Variants in FMNL1 observed in about 807,000 individuals in gnomAD.
FMNL1 encodes formin like 1, also known as formin-like protein 1.
A neutral mutation model predicts 121.3 loss-of-function variants in FMNL1; 43 were observed. The observed-to-expected ratio is 0.35, with a 90% CI of 0.28 to 0.46. The LOEUF (loss-of-function observed/expected upper bound fraction) is 0.46. FMNL1 is among the 20% of genes least tolerant of loss of function. FMNL1 has a pLI of 1.00. For synonymous variants in FMNL1, 613 were observed against 613.5 expected, an observed-to-expected ratio of 1.00 and a Z score of 0.01; for missense variants, 1,191 against 1,482.4, an observed-to-expected ratio of 0.80 and a Z score of 3.23.
intron 1 of FMNL1, among the ~76,000 whole-genome samples, chr17:45,226,287 C>T (rs927864553): frequency 1.3e-5 from 2 of 152,214 alleles, no homozygotes; most frequent in Non-Finnish European, 2.9e-5. Flanking sequence ...GAGGGGAGGC[C>T]TCCACTTCCC....
chr17:45,234,351 A>T, intron 6 of FMNL1, 151 bp downstream of exon 6: 1 of 1,346,548 alleles, frequency 7.4e-7, no homozygotes, highest in Non-Finnish European at 1.0e-6. Context: ...AGAGTTTGGG[A>T]CACCAGTATG....
At chr17:45,236,269 C>A in intron 7 of FMNL1, 25 bp downstream of exon 7, 1 of 1,595,892 alleles carries the variant, frequency 6.3e-7, no homozygotes, top group Non-Finnish European at 8.6e-7. Context: ...ATGGGACTGG[C>A]GACTAGGGAG....
rs1298839185 is a variant in FMNL1, at chr17:45,243,330, C to T, written c.2213+10C>T. The T allele has an allele frequency of 6.2e-6, 10 of 1,612,330 alleles. No homozygotes were observed. The highest frequency in any genetic ancestry group is 1.3e-5 in the African/African-American group (1 of 74,886). On this transcript the variant is annotated intron_variant, in intron 17 of 26. Coordinates refer to ENST00000331495, the MANE Select transcript of FMNL1 (RefSeq NM_005892.4). The stretch of plus-strand genomic sequence containing the variant: ...GCCAAGCCATTGAGGCGTGAGTGTC[C>T]CTGTCCTGGGTTTGTGGGCAGTCCG...
Position 45,241,084 on chromosome 17 carries a change from A to C in FMNL1, c.1231-45A>C, listed in dbSNP as rs1183283208. On this transcript the variant is annotated intron_variant, in intron 12 of 26. Transcript: ENST00000331495. This position sits in a 1 kb window ranked among gnomAD's most constrained non-coding sequence, Gnocchi z 7.0. ...ATGCCGCCCCCTCACCGGCGGTGCCAGTGCCGGGCTGCGGGTCGGGGCTCA... is the reference window on the plus strand; with the variant it reads ...ATGCCGCCCCCTCACCGGCGGTGCCCGTGCCGGGCTGCGGGTCGGGGCTCA... 5.0e-6 allele frequency: 8 copies of C among 1,606,034 alleles called. No homozygotes were observed. Among genetic ancestry groups the C allele is most frequent in the Non-Finnish European group, 6.8e-6 (8 of 1,174,554 alleles).
In FMNL1 at chr17:45,237,568, C is replaced by G; in HGVS notation, c.823C>G (p.Leu275Val). 1.2e-6 allele frequency: 2 copies of G among 1,614,186 alleles called. No individual in the cohort carries two copies. The highest frequency in any genetic ancestry group is 1.7e-6 in the Non-Finnish European group (2 of 1,180,014). ...CAGAACCAAGGCTCTGGTGCTGGAG[C>G]TGCTGGCGGCCGTGTGCTTGGTGCG... ...NPRTKALVLELLAAVCLVRGG... is the reference protein window; with the variant it reads ...NPRTKALVLEVLAAVCLVRGG... Residue 275 changes from leucine (L) to valine (V), a missense_variant, in exon 9 of 27, where the codon CTG becomes GTG. Transcript: ENST00000331495. The surrounding 1 kb of genome is among the most constrained non-coding windows in gnomAD (Gnocchi z 4.4).
chr17:45,243,471 G>A (rs948552973), intron 17 of FMNL1, 151 bp downstream of exon 17: 1 of 1,010,490 alleles, frequency 9.9e-7, no homozygotes, highest in Non-Finnish European at 1.4e-6. Context: ...CCATTTTAAG[G>A]TGGAGAAAAC....
At chr17:45,246,771 T>C in intron 26 of FMNL1, 96 bp from the exon 27 acceptor site, 1 of 732,014 alleles carries the variant, frequency 1.4e-6, no homozygotes, top group Non-Finnish European at 2.4e-6. Flanking sequence ...GTGCACACAA[T>C]CTGAGTCCTT....
intron 26 of FMNL1, 63 bp downstream of exon 26, chr17:45,246,667 C>T: frequency 2.7e-6 from 4 of 1,475,592 alleles, no homozygotes; most frequent in Non-Finnish European, 2.8e-6. Flanking sequence ...CTTGGGAGAA[C>T]TGAGGCATGC....
At chr17:45,230,466 C>A in intron 1 of FMNL1, 138 bp from the exon 2 acceptor site, 1 of 680,754 alleles carries the variant, frequency 1.5e-6, no homozygotes, top group South Asian at 1.7e-5. Flanking sequence ...GATAACACTA[C>A]GTATCTCCTA....
chr17:45,246,350 T>G lies in FMNL1; in HGVS notation c.3211+20T>G, dbSNP rs750428405. The G allele has an allele frequency of 4.3e-5, 69 of 1,613,976 alleles. No individual in the cohort carries two copies. The highest frequency in any genetic ancestry group is 5.8e-5 in the Non-Finnish European group (68 of 1,180,012). ...TCACAGGTAAGGGCTTGGCCAGGCC[T>G]TGGTCTTATCCTCAGTCTGTCCTTC... On this transcript the variant is annotated intron_variant, in intron 25 of 26. Coordinates refer to ENST00000331495, the MANE Select transcript of FMNL1 (RefSeq NM_005892.4).
chr17:45,244,041 GC>G lies in FMNL1; in HGVS notation c.2448+17del, dbSNP rs2043770709. 6.2e-7 allele frequency: 1 copy of G among 1,601,622 alleles called. No homozygotes were observed. Among genetic ancestry groups the G allele is most frequent in the East Asian group, 2.2e-5 (1 of 44,724 alleles). On this transcript the variant is annotated intron_variant, in intron 18 of 26. Coordinates refer to ENST00000331495, the MANE Select transcript of FMNL1 (RefSeq NM_005892.4). ...GCTCATGCCGGTGTGGGCGGAGCGGGCAGGGCGGTGTGACTTGGGAGGGGAT... is the reference window on the plus strand; with the variant it reads ...GCTCATGCCGGTGTGGGCGGAGCGGGAGGGCGGTGTGACTTGGGAGGGGAT...
rs778995612 is a variant in FMNL1 at position 45,245,713 on chromosome 17, C to T, written c.2974C>T (p.Arg992Cys). The T allele has an allele frequency of 1.2e-5, 20 of 1,613,948 alleles. No individual in the cohort carries two copies. Among genetic ancestry groups the T allele is most frequent in the Middle Eastern group, 1.6e-4 (1 of 6,082 alleles). Residue 992 changes from arginine to cysteine, a missense_variant, in exon 23 of 27, where the codon CGC (arginine) becomes TGC (cysteine). Coordinates refer to ENST00000331495, the MANE Select transcript of FMNL1 (RefSeq NM_005892.4). ...SPGLFFSLFS[R>C]FIKAYKKAEQ... ...AGGCCTGTTCTTCTCCCTCTTTAGC[C>T]GCTTCATTAAGGCCTACAAGGTATT... is the stretch of plus-strand genomic sequence containing the variant.
In FMNL1 at chr17:45,241,746, T is replaced by C; in HGVS notation, c.1586-101T>C. ...GGGAGGTTTGGATTGTAGGCTCGGC[T>C]CAGGTAGGAGCGCATGCGTAGAGCG... On this transcript the variant is annotated intron_variant, in intron 14 of 26. Transcript: ENST00000331495. The surrounding 1 kb of genome is among the most constrained non-coding windows in gnomAD (Gnocchi z 7.0). 2.1e-6 allele frequency: 3 copies of C among 1,430,684 alleles called. No individual in the cohort carries two copies. Among genetic ancestry groups the C allele is most frequent in the South Asian group, 3.0e-5 (2 of 67,464 alleles). 88.6% of individuals were successfully genotyped at this position (1,430,684 alleles called of 1,614,324 possible).
chr17:45,243,215 C>T lies in FMNL1; in HGVS notation c.2108C>T (p.Ala703Val). The change falls in exon 17 of 27, where the codon GCC becomes GTC. Residue 703 changes from alanine to valine, a missense_variant. By Grantham distance (64) the Ala-to-Val change is moderately conservative (BLOSUM62 0). Coordinates refer to ENST00000331495, the MANE Select transcript of FMNL1 (RefSeq NM_005892.4). Reference protein sequence around the residue: ...SALKSKAAQKAPSKATLIEAN... With the variant: ...SALKSKAAQKVPSKATLIEAN... ...CTCAAGAGTAAGGCAGCCCAGAAGG[C>T]CCCCAGCAAGGCGACACTCATTGAG... is the stretch of plus-strand genomic sequence containing the variant. 1 of 1,614,206 alleles carries T rather than the reference C, an allele frequency of 6.2e-7. No homozygotes were observed. Among genetic ancestry groups the T allele is most frequent in the South Asian group, 1.1e-5 (1 of 91,084 alleles).
rs752631528 is a variant in FMNL1 at position 45,240,522 on chromosome 17, C to T, written c.1127C>T (p.Ala376Val). 5 of 1,613,530 alleles carry T rather than the reference C, an allele frequency of 3.1e-6. No homozygotes were observed. The highest frequency in any genetic ancestry group is 4.2e-6 in the Non-Finnish European group (5 of 1,179,850). ...ESDKLQVQIQAYLDNIFDVGA... is the reference protein window; with the variant it reads ...ESDKLQVQIQVYLDNIFDVGA... ...GACAAGCTGCAGGTGCAGATCCAGG[C>T]GTACCTGGACAATATTTTTGATGTG... Residue 376 changes from alanine (A) to valine (V), a missense_variant, in exon 12 of 27, where the codon GCG becomes GTG. Physicochemically the swap from Ala to Val is moderately conservative, Grantham distance 64. This residue lies in a region of FMNL1 where 519 missense variants were observed against 492.8 expected (regional missense o/e 1.05). Transcript: ENST00000331495.
At chr17:45,225,714 A>C (rs1190394669) in intron 1 of FMNL1, among the ~76,000 whole-genome samples, 1 of 152,022 alleles carries the variant, frequency 6.6e-6, no homozygotes, top group Non-Finnish European at 1.5e-5. Context: ...GGGGTTACTT[A>C]TGGGAAAGGC....
rs1339778172 is a variant in FMNL1 at position 45,222,183 on chromosome 17, A to G, written c.59A>G (p.Lys20Arg). Residue 20 changes from lysine (K) to arginine (R), a missense_variant, in exon 1 of 27, where the codon AAG becomes AGG. Physicochemically the swap from Lys to Arg is conservative, Grantham distance 26. Coordinates refer to ENST00000331495, the MANE Select transcript of FMNL1 (RefSeq NM_005892.4). ...QPAGPAAPPP[K>R]QPAPPKQPMP... Reference sequence around the variant, plus strand: ...GCGGGCCCCGCCGCGCCGCCCCCCAAGCAGCCCGCGCCTCCCAAGCAGCCG... The same window carrying G: ...GCGGGCCCCGCCGCGCCGCCCCCCAGGCAGCCCGCGCCTCCCAAGCAGCCG... The G allele has an allele frequency of 3.5e-5, 43 of 1,233,970 alleles. No individual in the cohort carries two copies. Among genetic ancestry groups the G allele is most frequent in the Non-Finnish European group, 4.3e-5 (42 of 986,288 alleles). 76.4% of individuals were successfully genotyped at this position (1,233,970 alleles called of 1,614,324 possible). A position where few individuals can be genotyped will look rare whatever the true frequency, so the allele number is the denominator to read the frequency against.
Position 45,242,044 on chromosome 17 carries a change from C to A in FMNL1, c.1783C>A (p.Pro595Thr), listed in dbSNP as rs1304692188. Residue 595 changes from proline (P) to threonine (T), a missense_variant, in exon 15 of 27, where the codon CCG becomes ACG. Pro to Thr is a conservative substitution (Grantham distance 38). Around this residue, in one of 4 missense-constraint regions of FMNL1, gnomAD observed 519 missense variants for 492.8 expected, o/e 1.05. Transcript: ENST00000331495. Reference protein sequence around the residue: ...PPPPPPPPPPPGTDGPVPPPP... With the variant: ...PPPPPPPPPPTGTDGPVPPPP... ...CCCACCCCCGCCACCGCCACCACCT[C>A]CGGGCACTGACGGGCCGGTGCCTCC... 6.8e-7 allele frequency: 1 copy of A among 1,467,758 alleles called. No individual in the cohort carries two copies. Among genetic ancestry groups the A allele is most frequent in the Admixed American group, 2.3e-5 (1 of 43,442 alleles). 90.9% of individuals were successfully genotyped at this position (1,467,758 alleles called of 1,614,324 possible).
At chr17:45,240,348 TA>T (rs1464720530) in intron 11 of FMNL1, 127 bp from the exon 12 acceptor site, 1 of 949,076 alleles carries the variant, frequency 1.1e-6, no homozygotes, top group African/African-American at 1.7e-5. Context: ...TATTAAAAAA[TA>T]AAGAAAAAGT....
Sources: allele counts gnomAD v4.1 joint callset (sites outside exome capture counted in the v4.1 genomes callset), GRCh38; gene constraint gnomAD v4.1.1; regional missense constraint gnomAD v4.1.1; non-coding constraint Gnocchi (gnomAD v3.1); transcripts MANE v1.5; gene names NCBI Gene and HGNC (gene_info 2026-07-23, HGNC 2026-07-21).